BOD1L1: variants seen among roughly 807,000 people sequenced by gnomAD.
BOD1L1 encodes biorientation of chromosomes in cell division 1 like 1.
In BOD1L1, 86 loss-of-function variants were observed where a neutral mutation model predicts 240.7. The observed-to-expected ratio is 0.36, with a 90% CI of 0.30 to 0.43. The LOEUF (loss-of-function observed/expected upper bound fraction) is 0.43, where lower values mean the gene tolerates loss of function less well. BOD1L1 is among the 20% of genes least tolerant of loss of function. The pLI is 1.00. For synonymous variants in BOD1L1, 1,268 were observed against 1,272.3 expected, an observed-to-expected ratio of 1.00 and a Z score of 0.07; for missense variants, 3,554 against 3,643.5, an observed-to-expected ratio of 0.98 and a Z score of 0.63.
chr4:13,582,153 A>C (rs1217385375), intron 19 of BOD1L1, 84 bp downstream of exon 19: 9 of 1,158,156 alleles, frequency 7.8e-6, no homozygotes, highest in Non-Finnish European at 1.1e-5. Flanking sequence ...CTTAAGAAAA[A>C]CTCAAGATAA....
At chr4:13,598,802 C>T (rs1430476562) in intron 10 of BOD1L1, 144 bp downstream of exon 10, 2 of 809,392 alleles carry the variant, frequency 2.5e-6, no homozygotes, top group Non-Finnish European at 1.8e-6. Flanking sequence ...AGTTATTTTG[C>T]AACATTATGA....
chr4:13,590,467 A>T (rs772955174), intron 13 of BOD1L1, 21 bp from the exon 14 acceptor site: 4 of 1,240,910 alleles, frequency 3.2e-6, no homozygotes, highest in Non-Finnish European at 4.5e-6. Context: ...AATATAAAAG[A>T]TATTTATGGA....
In BOD1L1 at chr4:13,603,929, T is replaced by C. The variant is rs781129988; in HGVS notation, c.2971A>G (p.Arg991Gly). ...TCCTTTGCTAATGGTAACTTGGCTC[T>C]ATGACTAGAATCCTTCTGTGTACTA... is the stretch of plus-strand genomic sequence containing the variant. ...AHSTQKDSSH[R>G]AKLPLAKEKY... Residue 991 changes from arginine (R) to glycine (G), a missense_variant, in exon 10 of 26, where the codon AGA becomes GGA. By Grantham distance (125) the Arg-to-Gly change is moderately radical. Coordinates refer to ENST00000040738, the MANE Select transcript of BOD1L1 (RefSeq NM_148894.3). 9.8e-5 allele frequency: 158 copies of C among 1,613,868 alleles called. No homozygotes were observed. The highest frequency in any genetic ancestry group is 1.2e-4 in the Non-Finnish European group (145 of 1,179,894).
intron 10 of BOD1L1, among the ~76,000 whole-genome samples, chr4:13,597,653 C>G (rs1714730439): frequency 6.6e-6 from 1 of 152,184 alleles, no homozygotes; most frequent in Non-Finnish European, 1.5e-5. Context: ...AGATTCAGTT[C>G]TACTCTGGTC....
In BOD1L1 at chr4:13,613,892, G is replaced by T; in HGVS notation, c.1175-231C>A. ...ATAATAAAATGAATTTTAAGTAACT[G>T]AAGTATTTACTACCTAATAAAAATT... is the stretch of plus-strand genomic sequence containing the variant. On this transcript the variant is annotated intron_variant, in intron 4 of 25. Transcript: ENST00000040738. This position sits in a 1 kb window ranked among gnomAD's most constrained non-coding sequence, Gnocchi z 4.0. 6.6e-6 allele frequency among the ~76,000 whole-genome samples: 1 copy of T among 152,120 alleles called. No individual in the cohort carries two copies. The highest frequency in any genetic ancestry group is 6.5e-5 in the Admixed American group (1 of 15,280).
At chr4:13,592,106 C>A in intron 12 of BOD1L1, 140 bp from the exon 13 acceptor site, 2 of 598,190 alleles carry the variant, frequency 3.3e-6, no homozygotes, top group Non-Finnish European at 5.9e-6. Flanking sequence ...TTATAAAAAT[C>A]TGACCAGTTA....
At position 13,599,138 on chromosome 4, in the gene BOD1L1, C is replaced by G. The variant is rs1233306567; in HGVS notation, c.7762G>C (p.Ala2588Pro). The G allele has an allele frequency of 6.2e-7, 1 of 1,614,024 alleles. No individual in the cohort carries two copies. Among genetic ancestry groups the G allele is most frequent in the East Asian group, 2.2e-5 (1 of 44,880 alleles). ...GCCAACAGAGCTACACTGTAAGTAG[C>G]TGGAGGGATCATTGTGTGGGAAGGA... ...IAPSHTMIPP[A>P]TYSVALLAPK... Residue 2588 changes from alanine (A) to proline (P), a missense_variant, in exon 10 of 26, where the codon GCT (alanine) becomes CCT (proline). Ala to Pro is a conservative substitution (Grantham distance 27). This residue lies in a region of BOD1L1 where 3,393 missense variants were observed against 3,427.1 expected (regional missense o/e 0.99). Coordinates refer to ENST00000040738, the MANE Select transcript of BOD1L1 (RefSeq NM_148894.3).
At chr4:13,619,461 A>G (rs1228256915) in intron 2 of BOD1L1, among the ~76,000 whole-genome samples, 1 of 152,160 alleles carries the variant, frequency 6.6e-6, no homozygotes, top group African/African-American at 2.4e-5. Flanking sequence ...TATATCATTC[A>G]TAAACAGCAG....
chr4:13,618,593 A>G (rs906528652), intron 2 of BOD1L1, among the ~76,000 whole-genome samples: 2 of 152,212 alleles, frequency 1.3e-5, no homozygotes, highest in Non-Finnish European at 2.9e-5. Context: ...ACTCTTTTAC[A>G]GGTTCCTCAG....
chr4:13,602,355 A>G lies in BOD1L1; in HGVS notation c.4545T>C (p.Thr1515=), dbSNP rs1386189477. Residue 1515 remains threonine, a synonymous_variant, in exon 10 of 26, where the codon ACT becomes ACC. Coordinates refer to ENST00000040738, the MANE Select transcript of BOD1L1 (RefSeq NM_148894.3). ...TCCCTTCAGTACTAGTGGCAACAGA[A>G]GTCTTTTCTGCTCTCCTAGGCCCAG... ...VATGPRRAEK[T]SVATSTEGKD... is the part of the protein sequence containing the mutation. The G allele has an allele frequency of 6.2e-7, 1 of 1,613,944 alleles. No individual in the cohort carries two copies. Among genetic ancestry groups the G allele is most frequent in the South Asian group, 1.1e-5 (1 of 91,068 alleles).
At chr4:13,623,584 TG>T (rs1219340074) in intron 1 of BOD1L1, 4 of 152,380 alleles carry the variant, frequency 2.6e-5, no homozygotes, top group African/African-American at 9.6e-5. Flanking sequence ...TTTCTTTGGG[TG>T]GGAAGGGCTG....
At chr4:13,610,555 A>C (rs1716075893) in intron 6 of BOD1L1, among the ~76,000 whole-genome samples, 1 of 152,234 alleles carries the variant, frequency 6.6e-6, no homozygotes, top group South Asian at 2.1e-4. Flanking sequence ...AATTATGAAA[A>C]ACATTGTATC....
chr4:13,614,010 CTG>C (rs975809961), intron 4 of BOD1L1, among the ~76,000 whole-genome samples, 184 bp downstream of exon 4: 1 of 152,092 alleles, frequency 6.6e-6, no homozygotes, highest in African/African-American at 2.4e-5. Flanking sequence ...TTAATTTACT[CTG>C]TGAACAGATA....
At chr4:13,585,118 G>T (rs1465810040) in intron 17 of BOD1L1, among the ~76,000 whole-genome samples, 1 of 152,112 alleles carries the variant, frequency 6.6e-6, no homozygotes, top group Non-Finnish European at 1.5e-5. Flanking sequence ...CAGGATTTTT[G>T]ATTTTGGACA....
chr4:13,614,446 TTGAACATCCTTA>T lies in BOD1L1; in HGVS notation c.912_923del (p.Asn304_Gln308delinsLys). 6.2e-7 allele frequency: 1 copy of T among 1,611,294 alleles called. No homozygotes were observed. Among genetic ancestry groups the T allele is most frequent in the South Asian group, 1.1e-5 (1 of 90,690 alleles). On this transcript the variant is annotated inframe_deletion, in exon 4 of 26. Transcript: ENST00000040738. ...TATTTTTTTGCTCACTGCTTTCCTGTTGAACATCCTTATTTAGCAGAATTAAATTATTATGCT... is the reference window on the plus strand; with the variant it reads ...TATTTTTTTGCTCACTGCTTTCCTGTTTTAGCAGAATTAAATTATTATGCT...
rs1168155857 is a variant in BOD1L1, at chr4:13,602,342, T to C, written c.4558A>G (p.Ser1520Gly). The C allele has an allele frequency of 1.2e-6, 2 of 1,614,018 alleles. No individual in the cohort carries two copies. Among genetic ancestry groups the C allele is most frequent in the Admixed American group, 1.7e-5 (1 of 60,024 alleles). Residue 1520 changes from serine to glycine, a missense_variant, in exon 10 of 26, where the codon AGT (serine) becomes GGT (glycine). Ser to Gly is a moderately conservative substitution (Grantham distance 56). This residue lies in a region of BOD1L1 where 3,393 missense variants were observed against 3,427.1 expected (regional missense o/e 0.99). Transcript: ENST00000040738. ...RRAEKTSVAT[S>G]TEGKDKDVTL... is the part of the protein sequence containing the mutation. ...ACATCTTTGTCCTTCCCTTCAGTACTAGTGGCAACAGAAGTCTTTTCTGCT... is the reference window on the plus strand; with the variant it reads ...ACATCTTTGTCCTTCCCTTCAGTACCAGTGGCAACAGAAGTCTTTTCTGCT...
At chr4:13,612,174 A>G (rs1030599892) in intron 5 of BOD1L1, among the ~76,000 whole-genome samples, 12 of 152,164 alleles carry the variant, frequency 7.9e-5, no homozygotes, top group Admixed American at 6.5e-4. Flanking sequence ...AGTTTGTGAA[A>G]TTGAAGAAAA....
chr4:13,615,084 C>T (rs912242852), intron 3 of BOD1L1, among the ~76,000 whole-genome samples: 6 of 152,060 alleles, frequency 3.9e-5, no homozygotes, highest in African/African-American at 1.4e-4. Flanking sequence ...TTTAGTTATT[C>T]CTTCTATTAT....
Position 13,568,829 on chromosome 4 carries a change from TA to T in BOD1L1, c.*1181del, listed in dbSNP as rs1006119376. The T allele has an allele frequency of 0.01, 1,462 of 142,858 alleles. 12 individuals carry two copies. Among genetic ancestry groups the T allele is most frequent in the African/African-American group, 0.02 (774 of 38,924 alleles). 8.8% of individuals were successfully genotyped at this position (142,858 alleles called of 1,614,324 possible). ...ATCCACCTTACATTAAGAGTCAAAA[TA>T]AAAAAAAAAACCCATACACACTGAA... is the stretch of plus-strand genomic sequence containing the variant. On this transcript the variant is annotated 3_prime_UTR_variant, in exon 26 of 26. Coordinates refer to ENST00000040738, the MANE Select transcript of BOD1L1 (RefSeq NM_148894.3).
Sources: gnomAD v4.1 joint callset for allele counts (sites outside exome capture counted in the v4.1 genomes callset) on GRCh38, gnomAD v4.1.1 for gene constraint, gnomAD v4.1.1 regional missense constraint, Gnocchi (gnomAD v3.1) non-coding constraint, MANE v1.5 for transcripts, NCBI Gene and HGNC (gene_info 2026-07-23, HGNC 2026-07-21) for gene names.